Variants in BEND2 observed in about 807,000 individuals in gnomAD.
BEND2 encodes the protein BEN domain containing 2.
BEND2 carries 19 observed loss-of-function variants against 43.8 expected under a neutral mutation model. That is an observed-to-expected ratio of 0.43 (90% confidence interval 0.30 to 0.64). The LOEUF (loss-of-function observed/expected upper bound fraction) is 0.64. BEND2 is among the 30% of genes least tolerant of loss of function. The pLI is 0.11. For missense variants in BEND2, 544 were observed against 574.0 expected, an observed-to-expected ratio of 0.95 and a Z score of 0.53; for synonymous variants, 226 against 210.1, an observed-to-expected ratio of 1.08 and a Z score of -0.66.
chrX:18,201,427 A>AAAAAAAAAAATC (rs1925156313), intron 6 of BEND2, among the ~76,000 whole-genome samples: 1 of 86,430 alleles, frequency 1.2e-5, no homozygotes, highest in Non-Finnish European at 2.3e-5. Context: ...ACAAAAAAAA[A>AAAAAAAAAAATC]AAAACTGGTG....
At chrX:18,206,890 A>C (rs1187262406) in intron 4 of BEND2, among the ~76,000 whole-genome samples, 1 of 111,765 alleles carries the variant, frequency 8.9e-6, no homozygotes, top group Non-Finnish European at 1.9e-5. Context: ...ATGAAAGAAC[A>C]AGGCAAGCTG....
chrX:18,207,375 C>T (rs751695922), intron 4 of BEND2, among the ~76,000 whole-genome samples: 1 of 111,148 alleles, frequency 9.0e-6, no homozygotes, highest in Non-Finnish European at 1.9e-5. Flanking sequence ...TACAACACCC[C>T]CTCAAAACCA....
At chrX:18,220,004 C>T (rs1925812777) in intron 1 of BEND2, among the ~76,000 whole-genome samples, 1 of 111,969 alleles carries the variant, frequency 8.9e-6, no homozygotes, top group Non-Finnish European at 1.9e-5. Flanking sequence ...ATTCCTCGCC[C>T]CCCCATACCC....
chrX:18,171,038 C>T lies in BEND2; in HGVS notation c.2148G>A (p.Leu716=). The change falls in exon 13 of 14, where the codon CTG becomes CTA. Residue 716 remains leucine, a synonymous_variant. Coordinates refer to ENST00000380033, the MANE Select transcript of BEND2 (RefSeq NM_153346.5). ...SNVYGNLKHG[L]CALDPNKISA... is the part of the protein sequence containing the mutation. ...TAATCTTATTGGGGTCAAGGGCACA[C>T]AGGCCATGCTTCAGATTGCCATAGA... 1 of 1,211,429 alleles carries T rather than the reference C, an allele frequency of 8.3e-7. No homozygotes were observed. Among genetic ancestry groups the T allele is most frequent in the Non-Finnish European group, 1.1e-6 (1 of 894,786 alleles).
intron 7 of BEND2, among the ~76,000 whole-genome samples, chrX:18,192,882 G>A (rs1223334828): frequency 8.9e-6 from 1 of 112,415 alleles, no homozygotes; most frequent in South Asian, 3.7e-4. Flanking sequence ...GCTCATGCCT[G>A]TAATCCCAGC....
intron 13 of BEND2, among the ~76,000 whole-genome samples, chrX:18,167,168 C>A (rs1321317352): frequency 9.1e-6 from 1 of 109,572 alleles, no homozygotes; most frequent in East Asian, 2.9e-4. Flanking sequence ...GTAGTCCCAG[C>A]TACTCGAGAG....
intron 8 of BEND2, among the ~76,000 whole-genome samples, chrX:18,182,343 A>G (rs1369774686): frequency 1.8e-5 from 2 of 111,061 alleles, no homozygotes; most frequent in East Asian, 5.7e-4. Context: ...GTTTCCTGAG[A>G]TCTCCCAGTC....
intron 2 of BEND2, among the ~76,000 whole-genome samples, chrX:18,216,237 C>A (rs1470364996): frequency 1.8e-5 from 2 of 110,542 alleles, no homozygotes; most frequent in African/African-American, 3.3e-5. Flanking sequence ...GCATTGCCAC[C>A]AAATTGTTAC....
intron 8 of BEND2, among the ~76,000 whole-genome samples, chrX:18,190,049 CAA>C (rs368542136): frequency 3.3e-4 from 28 of 85,010 alleles, no homozygotes; most frequent in Non-Finnish European, 4.0e-4. Context: ...GACTCTATCT[CAA>C]AAAAAAAAAA....
At chrX:18,170,927 G>A (rs1358592865) in intron 13 of BEND2, 74 bp downstream of exon 13, 1 of 1,200,717 alleles carries the variant, frequency 8.3e-7, no homozygotes, top group African/African-American at 1.7e-5. Context: ...CAACCTGAAT[G>A]GATTCTTCTT....
At chrX:18,180,906 C>T (rs1012350593) in intron 8 of BEND2, among the ~76,000 whole-genome samples, 2 of 109,706 alleles carry the variant, frequency 1.8e-5, no homozygotes, top group African/African-American at 6.6e-5. Flanking sequence ...TTCCGAGTAG[C>T]TGGAATTACA....
At chrX:18,212,974 G>A (rs1479634507) in intron 3 of BEND2, among the ~76,000 whole-genome samples, 1 of 111,675 alleles carries the variant, frequency 9.0e-6, no homozygotes, top group African/African-American at 3.3e-5. Flanking sequence ...ACAAGAGAAC[G>A]CAAGGGCTAA....
At chrX:18,209,741 A>T (rs1925449717) in intron 4 of BEND2, among the ~76,000 whole-genome samples, 1 of 111,443 alleles carries the variant, frequency 9.0e-6, no homozygotes, top group Non-Finnish European at 1.9e-5. Flanking sequence ...GAGGCTAAGG[A>T]GACACAACTA....
chrX:18,201,255 G>T (rs1925135220), intron 6 of BEND2, among the ~76,000 whole-genome samples: 1 of 106,608 alleles, frequency 9.4e-6, no homozygotes, highest in Non-Finnish European at 1.9e-5. Context: ...AATTAGCCAG[G>T]CGTGGTGGTG....
intron 7 of BEND2, among the ~76,000 whole-genome samples, chrX:18,192,190 T>C (rs950772097): frequency 1.8e-5 from 2 of 112,107 alleles, no homozygotes; most frequent in Admixed American, 9.5e-5. Flanking sequence ...GGCTGGTTCA[T>C]GCTTTTCCCA....
At chrX:18,177,791 G>A in intron 9 of BEND2, 22 bp from the exon 10 acceptor site, 1 of 1,169,620 alleles carries the variant, frequency 8.5e-7, no homozygotes, top group Non-Finnish European at 1.2e-6. Context: ...AAGAGAAAAA[G>A]GAACATCCTT....
At chrX:18,212,449 C>T in intron 4 of BEND2, 116 bp downstream of exon 4, 1 of 514,654 alleles carries the variant, frequency 1.9e-6, no homozygotes, top group Non-Finnish European at 3.2e-6. Context: ...TATCAAAACT[C>T]ACTGATTTGT....
At chrX:18,203,466 A>G in intron 5 of BEND2, 35 bp downstream of exon 5, 1 of 1,150,680 alleles carries the variant, frequency 8.7e-7, no homozygotes, top group Non-Finnish European at 1.2e-6. Flanking sequence ...TAGATTGAAG[A>G]ATGCTATCTG....
At chrX:18,168,402 G>A (rs1923878186) in intron 13 of BEND2, among the ~76,000 whole-genome samples, 1 of 111,837 alleles carries the variant, frequency 8.9e-6, no homozygotes, top group Non-Finnish European at 1.9e-5. Flanking sequence ...TACATTTTGA[G>A]TCACTAGAAG....
Sources: gnomAD v4.1 joint callset for allele counts (sites outside exome capture counted in the v4.1 genomes callset) on GRCh38, gnomAD v4.1.1 for gene constraint, MANE v1.5 for transcripts, NCBI Gene and HGNC (gene_info 2026-07-23, HGNC 2026-07-21) for gene names.